RUNX1T1: variants seen among roughly 807,000 people sequenced by gnomAD.
The protein encoded by RUNX1T1 is RUNX1 partner transcriptional co-repressor 1, also known as protein CBFA2T1.
A neutral mutation model predicts 62.8 loss-of-function variants in RUNX1T1; 4 were observed. The ratio of observed to expected loss-of-function variants is 0.06; its 90% confidence interval spans 0.03 to 0.15. RUNX1T1 has a LOEUF of 0.15. Among genes scored for constraint, RUNX1T1 ranks in the 10% least tolerant of loss-of-function variants. The pLI is 1.00. For missense variants in RUNX1T1, 508 were observed against 754.3 expected, an observed-to-expected ratio of 0.67 and a Z score of 3.82; for synonymous variants, 291 against 286.0, an observed-to-expected ratio of 1.02 and a Z score of -0.18.
At chr8:91,958,691 G>A (rs1586665997), downstream of RUNX1T1, 1 of 144,780 alleles carries the variant, frequency 6.9e-6, no homozygotes, top group African/African-American at 3.0e-5. Context: ...AGCTAAACTT[G>A]ATGAAATGGC....
chr8:92,093,543 G>C (rs1160821), intron 1 of RUNX1T1, among the ~76,000 whole-genome samples: 123,383 of 152,172 alleles, frequency 0.81, 50,106 homozygotes, highest in East Asian at 0.99. Context: ...ACTTTGTATT[G>C]AACCCATTAT....
At chr8:91,966,948 C>G (rs970222201) in intron 10 of RUNX1T1, among the ~76,000 whole-genome samples, 1 of 152,032 alleles carries the variant, frequency 6.6e-6, no homozygotes, top group African/African-American at 2.4e-5. Context: ...CAAACAAAAA[C>G]CTCCCACTCC....
intron 1 of RUNX1T1, among the ~76,000 whole-genome samples, chr8:92,028,799 C>T (rs1438922187): frequency 6.6e-6 from 1 of 152,064 alleles, no homozygotes; most frequent in Non-Finnish European, 1.5e-5. Flanking sequence ...ATCACAAGGG[C>T]CCCAAAACTG....
intron 6 of RUNX1T1, 64 bp downstream of exon 7, chr8:91,991,575 A>G: frequency 6.6e-7 from 1 of 1,517,358 alleles, no homozygotes; most frequent in Non-Finnish European, 9.0e-7. Flanking sequence ...TTAAGTTCAG[A>G]AATAATGGTG....
intron 5 of RUNX1T1, 94 bp from the exon 7 acceptor site, chr8:91,991,983 TA>T (rs1817769740): frequency 7.4e-7 from 1 of 1,346,338 alleles, no homozygotes; most frequent in Non-Finnish European, 1.0e-6. Context: ...AAAAACAGAA[TA>T]TTTTTTATTG....
At chr8:91,959,703 A>G (rs1229498374) in exon 11 of RUNX1T1, 3 of 229,022 alleles carry the variant, frequency 1.3e-5, no homozygotes, top group African/African-American at 6.7e-5. Context: ...GCGGGTCTTC[A>G]AAGTTCAGTT....
intron 1 of RUNX1T1, among the ~76,000 whole-genome samples, chr8:92,035,295 CA>C (rs746841942): frequency 0.015 from 411 of 27,460 alleles, no homozygotes; most frequent in Middle Eastern, 0.043. Flanking sequence ...AATTCCATTT[CA>C]AAAAAAAAAA....
chr8:91,983,211 G>A (rs1815802928), intron 8 of RUNX1T1, among the ~76,000 whole-genome samples: 1 of 151,890 alleles, frequency 6.6e-6, no homozygotes. Flanking sequence ...TGGATTACAG[G>A]TGTGAGCCAC....
chr8:92,071,088 C>G (rs1427631224), intron 2 of RUNX1T1: 2 of 152,212 alleles, frequency 1.3e-5, no homozygotes, highest in East Asian at 3.8e-4. Context: ...AAATTGGCCA[C>G]ACATTACTGT....
chr8:91,965,489 T>G (rs1447401549), intron 10 of RUNX1T1, among the ~76,000 whole-genome samples: 4 of 152,094 alleles, frequency 2.6e-5, no homozygotes, highest in African/African-American at 7.2e-5. Flanking sequence ...CCTTGTGAGA[T>G]CTTGTGGTTT....
Position 91,972,995 on chromosome 8 carries a change from G to A in RUNX1T1, c.1268-2147C>T, listed in dbSNP as rs182203519. 2.6e-5 allele frequency among the ~76,000 whole-genome samples: 4 copies of A among 151,972 alleles called. No individual in the cohort carries two copies. The East Asian group carries it at 7.7e-4, about 29-fold the overall frequency. ...TACTTTTAGAGGAGAATATGGCCTT[G>A]AACAATTTTTTGGATTTCTAATCTT... On this transcript the variant is annotated intron_variant, in intron 9 of 10. Transcript: ENST00000396218.
At chr8:92,034,765 TACATATATATAC>T (rs1176102209) in intron 1 of RUNX1T1, among the ~76,000 whole-genome samples, 5 of 142,922 alleles carry the variant, frequency 3.5e-5, no homozygotes, top group East Asian at 4.0e-4. Context: ...TACACACATA[TACATATATATAC>T]ACATATATAT....
chr8:91,962,599 G>A (rs902582623), intron 10 of RUNX1T1, among the ~76,000 whole-genome samples: 11 of 152,340 alleles, frequency 7.2e-5, no homozygotes, highest in South Asian at 4.1e-4. Flanking sequence ...CCACAAAGAC[G>A]TGAGCAAACG....
At chr8:92,000,541 T>C (rs1051545551) in intron 5 of RUNX1T1, among the ~76,000 whole-genome samples, 1 of 152,228 alleles carries the variant, frequency 6.6e-6, no homozygotes, top group Non-Finnish European at 1.5e-5. Context: ...CTACAATTCC[T>C]TGTAAAGTGT....
At chr8:91,987,822 T>C (rs899602789) in intron 6 of RUNX1T1, among the ~76,000 whole-genome samples, 1 of 152,172 alleles carries the variant, frequency 6.6e-6, no homozygotes, top group African/African-American at 2.4e-5. Context: ...TCCTCTTACA[T>C]ATTCACTTTA....
intron 1 of RUNX1T1, among the ~76,000 whole-genome samples, chr8:92,043,952 T>C (rs1398904652): frequency 1.5e-5 from 2 of 137,508 alleles, no homozygotes; most frequent in Admixed American, 1.6e-4. Context: ...CACTCCAGCC[T>C]GGGCAACAAG....
chr8:92,079,133 A>T (rs146804550), intron 1 of RUNX1T1, among the ~76,000 whole-genome samples: 10 of 152,300 alleles, frequency 6.6e-5, no homozygotes, highest in African/African-American at 2.2e-4. Context: ...TCCTTTAGTA[A>T]ATGATACATG....
chr8:92,054,712 C>A (rs948903774), intron 1 of RUNX1T1, among the ~76,000 whole-genome samples: 1 of 152,088 alleles, frequency 6.6e-6, no homozygotes, highest in Non-Finnish European at 1.5e-5. Context: ...AAAATACATT[C>A]AGCACAGGGC....
intron 6 of RUNX1T1, 80 bp downstream of exon 7, chr8:91,991,559 C>T: frequency 5.6e-6 from 8 of 1,439,840 alleles, no homozygotes; most frequent in South Asian, 1.3e-5. Flanking sequence ...GATTTCAAGC[C>T]TCAAGTTAAG....
Sources: gnomAD v4.1 joint callset for allele counts (sites outside exome capture counted in the v4.1 genomes callset) on GRCh38, gnomAD v4.1.1 for gene constraint, MANE v1.5 for transcripts, NCBI Gene and HGNC (gene_info 2026-07-23, HGNC 2026-07-21) for gene names.